Variants in L3MBTL3 observed in about 807,000 individuals in gnomAD.
L3MBTL3 encodes L3MBTL histone methyl-lysine binding protein 3.
Under a neutral mutation model 102.3 loss-of-function variants are expected in L3MBTL3, and 27 were observed. The observed-to-expected ratio is 0.26, with a 90% CI of 0.19 to 0.36. The LOEUF (loss-of-function observed/expected upper bound fraction) is 0.36. Ranked by LOEUF, L3MBTL3 falls within the 10% of genes least tolerant of loss-of-function variation. L3MBTL3 has a pLI of 1.00. For synonymous variants in L3MBTL3, 340 were observed against 320.9 expected, an observed-to-expected ratio of 1.06 and a Z score of -0.64; for missense variants, 798 against 955.3, an observed-to-expected ratio of 0.84 and a Z score of 2.17.
At chr6:130,107,074 C>G (rs970492839) in intron 19 of L3MBTL3, among the ~76,000 whole-genome samples, 1 of 152,136 alleles carries the variant, frequency 6.6e-6, no homozygotes, top group Non-Finnish European at 1.5e-5. Context: ...TGAGATCAGC[C>G]AGGAGTGAGA....
At chr6:130,045,231 A>G (rs951837266) in intron 3 of L3MBTL3, among the ~76,000 whole-genome samples, 5 of 152,060 alleles carry the variant, frequency 3.3e-5, no homozygotes, top group Admixed American at 2.0e-4. Flanking sequence ...CTCTCTGGCC[A>G]TGTCTCATTT....
intron 17 of L3MBTL3, among the ~76,000 whole-genome samples, chr6:130,093,587 A>G (rs899470757): frequency 2.0e-5 from 3 of 152,230 alleles, no homozygotes; most frequent in Admixed American, 1.3e-4. Context: ...TTGGTGCACT[A>G]TGCTGTAGAA....
chr6:130,026,697 C>T (rs1347551552), intron 2 of L3MBTL3, among the ~76,000 whole-genome samples: 1 of 151,922 alleles, frequency 6.6e-6, no homozygotes, highest in East Asian at 1.9e-4. Flanking sequence ...GTTGATAAAA[C>T]ATTACTCAGA....
At chr6:130,053,400 C>T (rs1253625027) in intron 7 of L3MBTL3, among the ~76,000 whole-genome samples, 1 of 152,118 alleles carries the variant, frequency 6.6e-6, no homozygotes, top group East Asian at 1.9e-4. Context: ...CTTTGGGAGG[C>T]CGAGGCCGGC....
chr6:130,120,999 C>T (rs561633667), intron 20 of L3MBTL3, 41 bp downstream of exon 20: 4 of 1,224,550 alleles, frequency 3.3e-6, no homozygotes, highest in Non-Finnish European at 4.8e-6. Context: ...TGTATTACTG[C>T]TAATATGAAA....
Position 130,140,872 on chromosome 6 carries a change from C to G in L3MBTL3, c.*1119C>G, listed in dbSNP as rs1330771048. The G allele has an allele frequency of 6.5e-6, 1 of 152,688 alleles. No individual in the cohort carries two copies. The highest frequency in any genetic ancestry group is 1.5e-5 in the Non-Finnish European group (1 of 68,020). The allele number at this position is 152,688 out of a possible 1,614,324, so 9.5% of individuals were successfully genotyped here. A position where few individuals can be genotyped will look rare whatever the true frequency, so the allele number is the denominator to read the frequency against. On this transcript the variant is annotated 3_prime_UTR_variant, in exon 23 of 23. Coordinates refer to ENST00000361794, the MANE Select transcript of L3MBTL3 (RefSeq NM_032438.4). ...CACAAAATTTGAAATGCTCACAGAT[C>G]AGGGAGGTGATTTCCCAAAGTAATT...
At chr6:130,077,562 A>G (rs1783033970) in intron 13 of L3MBTL3, among the ~76,000 whole-genome samples, 1 of 152,238 alleles carries the variant, frequency 6.6e-6, no homozygotes, top group South Asian at 2.1e-4. Context: ...ACATGAACTC[A>G]CAATGTATTA....
intron 20 of L3MBTL3, among the ~76,000 whole-genome samples, chr6:130,122,359 G>A (rs928877588): frequency 3.3e-5 from 5 of 152,270 alleles, no homozygotes; most frequent in African/African-American, 1.2e-4. Flanking sequence ...ACCCCTTATG[G>A]TGTTTATGTA....
chr6:130,120,119 A>G (rs898822992), intron 19 of L3MBTL3, among the ~76,000 whole-genome samples: 1 of 152,222 alleles, frequency 6.6e-6, no homozygotes, highest in African/African-American at 2.4e-5. Context: ...GCCAGATAGC[A>G]TATTCTGGAT....
Position 130,066,443 on chromosome 6 carries a change from G to A in L3MBTL3, c.955G>A (p.Val319Ile). The A allele has an allele frequency of 1.2e-6, 2 of 1,610,472 alleles. No individual in the cohort carries two copies. Among genetic ancestry groups the A allele is most frequent in the Non-Finnish European group, 1.7e-6 (2 of 1,177,926 alleles). The change falls in exon 11 of 23, where the codon GTT becomes ATT. Residue 319 changes from valine (V) to isoleucine (I), a missense_variant. Around this residue, in one of 4 missense-constraint regions of L3MBTL3, gnomAD observed 434 missense variants for 506.6 expected, o/e 0.86. Transcript: ENST00000361794. ...TGCAGACGCTCTGGATATCCACCCA[G>A]TTGGGTGGTGTGAGAAAACCGGCCA... The part of the protein sequence containing the change: ...VNADALDIHP[V>I]GWCEKTGHKL...
At chr6:130,041,797 T>C (rs2114682907) in intron 2 of L3MBTL3, among the ~76,000 whole-genome samples, 1 of 152,330 alleles carries the variant, frequency 6.6e-6, no homozygotes, top group African/African-American at 2.4e-5. Flanking sequence ...CAGTTTCATC[T>C]TGGACATTTC....
chr6:130,049,973 G>C (rs1780990465), intron 5 of L3MBTL3, 143 bp downstream of exon 5: 1 of 1,055,262 alleles, frequency 9.5e-7, no homozygotes, highest in Non-Finnish European at 1.3e-6. Context: ...AAACACAGGA[G>C]TCATCCTGAA....
At chr6:130,073,524 T>A (rs1782762613) in intron 13 of L3MBTL3, among the ~76,000 whole-genome samples, 1 of 152,182 alleles carries the variant, frequency 6.6e-6, no homozygotes, top group South Asian at 2.1e-4. Flanking sequence ...TTTAAAGCTT[T>A]TGCCTGATTT....
chr6:130,032,894 A>C (rs1303832503), intron 2 of L3MBTL3, among the ~76,000 whole-genome samples: 2 of 151,952 alleles, frequency 1.3e-5, no homozygotes, highest in Non-Finnish European at 2.9e-5. Flanking sequence ...TTGGCAGGCT[A>C]AGGTGGTAGG....
chr6:130,106,299 T>G (rs1157179318), intron 19 of L3MBTL3, among the ~76,000 whole-genome samples: 2 of 152,198 alleles, frequency 1.3e-5, no homozygotes, highest in Admixed American at 6.5e-5. Context: ...TTACTTTTCC[T>G]TGTCTTTTCA....
intron 19 of L3MBTL3, among the ~76,000 whole-genome samples, chr6:130,111,290 CAG>C (rs1785332058): frequency 6.6e-6 from 1 of 152,198 alleles, no homozygotes; most frequent in African/African-American, 2.4e-5. Flanking sequence ...TTGCATATCT[CAG>C]AGTTAGCCCA....
At chr6:130,118,051 A>G (rs1247491058) in intron 19 of L3MBTL3, among the ~76,000 whole-genome samples, 1 of 152,034 alleles carries the variant, frequency 6.6e-6, no homozygotes, top group Non-Finnish European at 1.5e-5. Flanking sequence ...AAATGAGAAT[A>G]CAGAGTCAGT....
chr6:130,137,535 T>G (rs1787826647), intron 22 of L3MBTL3: 1 of 152,200 alleles, frequency 6.6e-6, no homozygotes, highest in African/African-American at 2.4e-5. Context: ...GTATGTAACC[T>G]TATAAATAAC....
In L3MBTL3 at chr6:130,062,802, C is replaced by CA. The variant is rs80265849; in HGVS notation, c.864+2675dup. 7.0e-3 allele frequency among the ~76,000 whole-genome samples: 893 copies of CA among 127,190 alleles called. 2 individuals carry two copies. Among genetic ancestry groups the CA allele is most frequent in the South Asian group, 0.016 (65 of 3,996 alleles). The allele number at this position is 127,190 out of a possible 152,430, so 83.4% of individuals were successfully genotyped here. The stretch of plus-strand genomic sequence containing the variant: ...GAGTGATCTTCATTTTTTCATTATT[C>CA]AAAAAAAAAAAAAGGTCCAGTGAGC... On this transcript the variant is annotated intron_variant, in intron 10 of 22. Transcript: ENST00000361794.
Sources: gnomAD v4.1 joint callset for allele counts (sites outside exome capture counted in the v4.1 genomes callset) on GRCh38, gnomAD v4.1.1 for gene constraint, gnomAD v4.1.1 regional missense constraint, MANE v1.5 for transcripts, NCBI Gene and HGNC (gene_info 2026-07-23, HGNC 2026-07-21) for gene names.